The following ESR1 variants were observed in gnomAD, a reference collection of about 807,000 sequenced individuals.
ESR1 encodes the protein estrogen receptor 1, also known as estrogen receptor.
A neutral mutation model predicts 52.7 loss-of-function variants in ESR1; 12 were observed. That is an observed-to-expected ratio of 0.23 (90% CI 0.15 to 0.37). The LOEUF is 0.37. ESR1 is among the 10% of genes least tolerant of loss of function. The pLI is 1.00. For missense variants in ESR1, 584 were observed against 779.7 expected, an observed-to-expected ratio of 0.75 and a Z score of 2.99; for synonymous variants, 305 against 316.8, an observed-to-expected ratio of 0.96 and a Z score of 0.39.
At chr6:151,974,243 G>C (rs995985011) in intron 4 of ESR1, among the ~76,000 whole-genome samples, 6 of 152,176 alleles carry the variant, frequency 3.9e-5, no homozygotes, top group Non-Finnish European at 7.3e-5. Context: ...TTTAATCATT[G>C]AGATAAGAGT....
rs567481558 is a variant in ESR1 at position 152,089,740 on chromosome 6, G to C, written c.1370-4645G>C. Among the ~76,000 whole-genome samples the C allele has an allele frequency of 2.6e-5, 4 of 152,102 alleles. No homozygotes were observed. The East Asian group carries it at 7.7e-4, about 29-fold the overall frequency. On this transcript the variant is annotated intron_variant, in intron 6 of 7. Coordinates refer to ENST00000206249, the MANE Select transcript of ESR1 (RefSeq NM_000125.4). Reference sequence around the variant, plus strand: ...ATTACAGGCACCTGACACCACACCTGACTAATTTTTGTAATTTTAGTAGAG... The same window carrying C: ...ATTACAGGCACCTGACACCACACCTCACTAATTTTTGTAATTTTAGTAGAG...
intron 4 of ESR1, among the ~76,000 whole-genome samples, chr6:151,980,709 G>GT (rs1015952320): frequency 1.3e-5 from 2 of 152,036 alleles, no homozygotes; most frequent in African/African-American, 4.8e-5. Context: ...TCTGAAGTTT[G>GT]TTTTTTCTTT....
downstream of ESR1, among the ~76,000 whole-genome samples, chr6:152,104,689 T>C (rs1585268369): frequency 1.3e-5 from 2 of 152,344 alleles, no homozygotes; most frequent in East Asian, 3.9e-4. Context: ...GGAGGCTCTT[T>C]TGTTCTAATA....
intron 2 of ESR1, among the ~76,000 whole-genome samples, chr6:151,771,001 A>G (rs1008363271): frequency 2.0e-5 from 3 of 152,234 alleles, no homozygotes; most frequent in Non-Finnish European, 2.9e-5. Flanking sequence ...TAAACCAGTG[A>G]GATGCCCCAG....
At chr6:151,865,860 A>T (rs1474692687) in intron 2 of ESR1, among the ~76,000 whole-genome samples, 1 of 152,194 alleles carries the variant, frequency 6.6e-6, no homozygotes, top group Non-Finnish European at 1.5e-5. Flanking sequence ...CTCTTTTCTC[A>T]TCAGCTAGAA....
chr6:151,928,782 A>C (rs751407945), intron 3 of ESR1, among the ~76,000 whole-genome samples: 6 of 152,180 alleles, frequency 3.9e-5, no homozygotes, highest in South Asian at 4.2e-4. Context: ...AGCTCAAAAT[A>C]GTTTACCATT....
At position 151,790,704 on chromosome 6, in the gene ESR1, A is replaced by C. The variant is rs574365907; in HGVS notation, c.-70-17139A>C. ...AGCTCTGTTTTAACATTTTGTTTAT[A>C]TACACACATTCATTTGACCAAATGA... On this transcript the variant is annotated intron_variant, in intron 2 of 2. Transcript: ENST00000404742. Among the ~76,000 whole-genome samples the C allele has an allele frequency of 1.8e-3, 276 of 152,128 alleles. 1 individual carries two copies. Among genetic ancestry groups the C allele is most frequent in the African/African-American group, 6.5e-3 (268 of 41,500 alleles).
chr6:151,693,002 G>C (rs928321414), intron 1 of ESR1, among the ~76,000 whole-genome samples: 1 of 152,158 alleles, frequency 6.6e-6, no homozygotes, highest in African/African-American at 2.4e-5. Flanking sequence ...AAATGACTGA[G>C]TACCAGCCAT....
At chr6:151,984,718 A>G (rs994421401) in intron 4 of ESR1, among the ~76,000 whole-genome samples, 2 of 152,140 alleles carry the variant, frequency 1.3e-5, no homozygotes, top group African/African-American at 2.4e-5. Flanking sequence ...TTTCTTATAG[A>G]CAGATTCTGC....
intron 6 of ESR1, among the ~76,000 whole-genome samples, chr6:152,078,513 G>A (rs909458541): frequency 1.2e-4 from 18 of 152,064 alleles, no homozygotes; most frequent in African/African-American, 3.4e-4. Flanking sequence ...TTCCAAGATG[G>A]CTGAATAGGA....
intron 2 of ESR1, among the ~76,000 whole-genome samples, chr6:151,702,528 T>C (rs1193020155): frequency 6.6e-6 from 1 of 152,190 alleles, no homozygotes; most frequent in Non-Finnish European, 1.5e-5. Flanking sequence ...GGGGAATATC[T>C]TCAGAATTTA....
chr6:151,950,410 A>G (rs1275910233), intron 4 of ESR1, among the ~76,000 whole-genome samples: 3 of 152,122 alleles, frequency 2.0e-5, no homozygotes, highest in Non-Finnish European at 4.4e-5. Context: ...TTATGATTGA[A>G]GTGTGTTATG....
At chr6:151,939,590 CT>C (rs975871200) in intron 3 of ESR1, among the ~76,000 whole-genome samples, 27 of 147,838 alleles carry the variant, frequency 1.8e-4, no homozygotes, top group Middle Eastern at 3.6e-3. Context: ...AAGTCGCATC[CT>C]TTTTTTTTTA....
In ESR1 at chr6:152,070,493, T is replaced by G. The variant is rs1413387439; in HGVS notation, c.1369+9369T>G. Among the ~76,000 whole-genome samples, 2 of 138,670 alleles carry G rather than the reference T, an allele frequency of 1.4e-5. 1 individual carries two copies. The highest frequency in any genetic ancestry group is 1.3e-4 in the Admixed American group (2 of 14,894). The allele number at this position is 138,670 out of a possible 152,430, so 91.0% of individuals were successfully genotyped here. A position where few individuals can be genotyped will look rare whatever the true frequency, so the allele number is the denominator to read the frequency against. On this transcript the variant is annotated intron_variant, in intron 6 of 7. Transcript: ENST00000206249. The stretch of plus-strand genomic sequence containing the variant: ...CATACTATGAATTGTTCAATGGGTA[T>G]TCAAAGCATATGTAATAGAATATGT...
chr6:151,724,523 G>A (rs1357474865), intron 2 of ESR1, among the ~76,000 whole-genome samples: 2 of 152,166 alleles, frequency 1.3e-5, no homozygotes, highest in South Asian at 2.1e-4. Flanking sequence ...AAGGATCACC[G>A]TATGATGCTT....
intron 2 of ESR1, among the ~76,000 whole-genome samples, chr6:151,706,231 A>C (rs1780174813): frequency 6.6e-6 from 1 of 152,250 alleles, no homozygotes; most frequent in Non-Finnish European, 1.5e-5. Context: ...ATTGCTGCTC[A>C]TCAAAGTGGA....
intron 2 of ESR1, among the ~76,000 whole-genome samples, chr6:151,778,407 C>CTTTTT (rs34516184): frequency 7.0e-6 from 1 of 142,648 alleles, no homozygotes; most frequent in Non-Finnish European, 1.5e-5. Flanking sequence ...ATATTTACAA[C>CTTTTT]TTTTTTTTTT....
chr6:151,726,971 A>T lies in ESR1; in HGVS notation c.-71+24966A>T, dbSNP rs78163288. On this transcript the variant is annotated intron_variant, in intron 2 of 2. Transcript: ENST00000404742. ...CAGCATTTAACTTTTCACCATTATG[A>T]ATGATGTTTGCTCTACAGATTTCTG... is the stretch of plus-strand genomic sequence containing the variant. 6.1e-3 allele frequency among the ~76,000 whole-genome samples: 930 copies of T among 152,264 alleles called. 9 individuals carry two copies. The highest frequency in any genetic ancestry group is 0.021 in the African/African-American group (873 of 41,562).
upstream of ESR1, among the ~76,000 whole-genome samples, chr6:151,686,636 C>T (rs913317065): frequency 4.6e-5 from 7 of 152,084 alleles, no homozygotes; most frequent in Non-Finnish European, 8.8e-5. Flanking sequence ...TGCAGTGAGC[C>T]GAGATGGCGC....
Sources: gnomAD v4.1 joint callset for allele counts (sites outside exome capture counted in the v4.1 genomes callset) on GRCh38, gnomAD v4.1.1 for gene constraint, MANE v1.5 for transcripts, NCBI Gene and HGNC (gene_info 2026-07-23, HGNC 2026-07-21) for gene names.